The following TAF4 variants were observed in gnomAD, a reference collection of about 807,000 sequenced individuals.
TAF4 encodes the protein transcription initiation factor TFIID subunit 4.
A neutral mutation model predicts 90.3 loss-of-function variants in TAF4; 9 were observed. The ratio of observed to expected loss-of-function variants is 0.10; its 90% confidence interval spans 0.06 to 0.17. TAF4 has a LOEUF of 0.17. Among genes scored for constraint, TAF4 ranks in the 10% least tolerant of loss-of-function variants. The pLI, the probability that TAF4 is intolerant of heterozygous loss-of-function variation, is 1.00. For missense variants in TAF4, 1,351 were observed against 1,370.7 expected, an observed-to-expected ratio of 0.99 and a Z score of 0.23; for synonymous variants, 818 against 638.9, an observed-to-expected ratio of 1.28 and a Z score of -4.23.
intron 1 of TAF4, among the ~76,000 whole-genome samples, chr20:62,031,046 C>A (rs969666271): frequency 5.9e-5 from 9 of 152,240 alleles, no homozygotes; most frequent in African/African-American, 1.9e-4. Context: ...TTCTCCACGG[C>A]TTTAGGTGAA....
intron 14 of TAF4, among the ~76,000 whole-genome samples, chr20:61,978,511 G>C (rs1359334486): frequency 6.7e-6 from 1 of 148,692 alleles, no homozygotes; most frequent in South Asian, 2.1e-4. Flanking sequence ...CACCAACCAA[G>C]GGAGGGCGCG....
chr20:62,000,465 C>A, intron 10 of TAF4, 87 bp downstream of exon 10: 1 of 1,471,964 alleles, frequency 6.8e-7, no homozygotes, highest in South Asian at 1.3e-5. Context: ...AAACACATGA[C>A]CAGGTGTCAG....
At chr20:62,044,439 T>C (rs1354541275) in intron 1 of TAF4, among the ~76,000 whole-genome samples, 1 of 152,092 alleles carries the variant, frequency 6.6e-6, no homozygotes, top group Non-Finnish European at 1.5e-5. Flanking sequence ...AAAAGTAAAA[T>C]TGAAAACAAA....
intron 14 of TAF4, among the ~76,000 whole-genome samples, chr20:61,987,285 A>C (rs2055598627): frequency 6.6e-6 from 1 of 152,192 alleles, no homozygotes; most frequent in Non-Finnish European, 1.5e-5. Context: ...AAAGACCAGG[A>C]AAGACTGAGC....
In TAF4 at chr20:62,010,299, G is replaced by C. The variant is rs946593871; in HGVS notation, c.1642-134C>G. 132 of 1,342,706 alleles carry C rather than the reference G, an allele frequency of 9.8e-5. No individual in the cohort carries two copies. Among genetic ancestry groups the C allele is most frequent in the Non-Finnish European group, 1.3e-4 (128 of 982,954 alleles). 83.2% of individuals were successfully genotyped at this position (1,342,706 alleles called of 1,614,324 possible). ...GGACGCCCAGGAAGCCAAGGACCCC[G>C]GCCACCTGCCAGCCCGCTGGACACG... On this transcript the variant is annotated intron_variant, in intron 3 of 14. Transcript: ENST00000252996. This position sits in a 1 kb window ranked among gnomAD's most constrained non-coding sequence, Gnocchi z 4.5.
chr20:61,976,819 G>A (rs962661453), intron 14 of TAF4, among the ~76,000 whole-genome samples: 13 of 152,212 alleles, frequency 8.5e-5, no homozygotes, highest in African/African-American at 1.9e-4. Flanking sequence ...AGCTGGGAAG[G>A]CTGGGTTTCT....
chr20:61,979,123 C>T (rs2055517928), intron 14 of TAF4: 1 of 153,090 alleles, frequency 6.5e-6, no homozygotes, highest in African/African-American at 2.4e-5. Context: ...GTGGAGATCT[C>T]GTAGGAACCT....
Position 62,065,097 on chromosome 20 carries a change from G to A in TAF4, c.714C>T (p.Ile238=). 5 of 1,057,320 alleles carry A rather than the reference G, an allele frequency of 4.7e-6. No homozygotes were observed. Among genetic ancestry groups the A allele is most frequent in the Non-Finnish European group, 4.6e-6 (4 of 868,948 alleles). The allele number at this position is 1,057,320 out of a possible 1,614,324, so 65.5% of individuals were successfully genotyped here. A position where few individuals can be genotyped will look rare whatever the true frequency, so the allele number is the denominator to read the frequency against. The change falls in exon 1 of 15, where the codon ATC becomes ATT. Residue 238 remains isoleucine, a synonymous_variant. Coordinates refer to ENST00000252996, the MANE Select transcript of TAF4 (RefSeq NM_003185.4). ...LPKPAAPGTV[I]QTPPFVGAAA... Reference sequence around the variant, plus strand: ...CGGCGCCCACGAAGGGGGGCGTCTGGATGACAGTGCCGGGGGCGGCGGGCT... The same window carrying A: ...CGGCGCCCACGAAGGGGGGCGTCTGAATGACAGTGCCGGGGGCGGCGGGCT...
rs138692624 is a variant in TAF4 at position 62,006,726 on chromosome 20, G to A, written c.2007C>T (p.Pro669=). 228 of 1,554,528 alleles carry A rather than the reference G, an allele frequency of 1.5e-4. No individual in the cohort carries two copies. The African/African-American group carries it at 1.9e-3, about 13-fold the overall frequency. ...TCTGCTGGATGAAGGCCGCGGAGTC[G>A]GGGGTCAGCTGTCTCAAGGCGGGTA... The part of the protein sequence containing the change: ...RSLPALRQLT[P]DSAAFIQQSQ... The change falls in exon 7 of 15, where the codon CCC becomes CCT. Residue 669 remains proline, a synonymous_variant. Transcript: ENST00000252996. This position sits in a 1 kb window ranked among gnomAD's most constrained non-coding sequence, Gnocchi z 7.0.
intron 14 of TAF4, chr20:61,980,893 A>C: frequency 6.6e-6 from 1 of 152,490 alleles, no homozygotes; most frequent in East Asian, 1.9e-4. Flanking sequence ...CACTGCTGAA[A>C]GGCTAAGCCA....
chr20:62,027,047 T>C (rs1176132064), intron 1 of TAF4, among the ~76,000 whole-genome samples: 3 of 152,122 alleles, frequency 2.0e-5, no homozygotes, highest in Non-Finnish European at 4.4e-5. Context: ...TACGTGCAAA[T>C]CAACACAAAA....
chr20:61,999,066 G>C lies in TAF4; in HGVS notation c.2830C>G (p.Leu944Val). 1 of 1,614,154 alleles carries C rather than the reference G, an allele frequency of 6.2e-7. No homozygotes were observed. The highest frequency in any genetic ancestry group is 8.5e-7 in the Non-Finnish European group (1 of 1,180,038). ...YEQASDVRAQ[L>V]KFFEQLDQIE... ...TGATCAAGCTGTTCAAAAAACTTGA[G>C]CTGTGCCCGGACGTCACTCGCCTGC... The change falls in exon 12 of 15, where the codon CTC becomes GTC. Residue 944 changes from leucine to valine, a missense_variant. Physicochemically the swap from Leu to Val is conservative, Grantham distance 32. This residue lies in a region of TAF4 where 95 missense variants were observed against 151.3 expected (regional missense o/e 0.63). Coordinates refer to ENST00000252996, the MANE Select transcript of TAF4 (RefSeq NM_003185.4).
At chr20:62,060,515 G>A (rs748285331) in intron 1 of TAF4, among the ~76,000 whole-genome samples, 2 of 152,198 alleles carry the variant, frequency 1.3e-5, no homozygotes, top group Admixed American at 6.5e-5. Flanking sequence ...TGTTCATCCC[G>A]AAGGCGATGG....
chr20:62,022,768 A>G (rs1339491443), intron 1 of TAF4, among the ~76,000 whole-genome samples: 1 of 152,174 alleles, frequency 6.6e-6, no homozygotes, highest in Admixed American at 6.5e-5. Flanking sequence ...ACAGGGGAAC[A>G]TGTGCTGCCC....
At chr20:62,027,865 G>A (rs972146997) in intron 1 of TAF4, among the ~76,000 whole-genome samples, 16 of 152,356 alleles carry the variant, frequency 1.1e-4, no homozygotes, top group African/African-American at 2.9e-4. Context: ...AACAGTGACT[G>A]AGAAACAGCC....
intron 1 of TAF4, among the ~76,000 whole-genome samples, chr20:62,029,058 C>T (rs1401350499): frequency 1.3e-5 from 2 of 151,854 alleles, no homozygotes; most frequent in African/African-American, 2.4e-5. Flanking sequence ...TAGCCGGGCA[C>T]GGTGGTGGGC....
Position 62,064,909 on chromosome 20 carries a change from GCGGGGGGCGGCA to G in TAF4, c.890_901del (p.Val297_Pro300del). The G allele has an allele frequency of 1.5e-6, 1 of 682,130 alleles. No homozygotes were observed. The highest frequency in any genetic ancestry group is 1.8e-6 in the Non-Finnish European group (1 of 558,954). 42.3% of individuals were successfully genotyped at this position (682,130 alleles called of 1,614,324 possible). A position where few individuals can be genotyped will look rare whatever the true frequency, so the allele number is the denominator to read the frequency against. Reference sequence around the variant, plus strand: ...GGCGCTGCCCCCGTTCTGGGCGGCGGCGGGGGGCGGCACGGCGGGCGCGGCGGTCGGGGGTCC... The same window carrying G: ...GGCGCTGCCCCCGTTCTGGGCGGCGGCGGCGGGCGCGGCGGTCGGGGGTCC... On this transcript the variant is annotated inframe_deletion, in exon 1 of 15. Coordinates refer to ENST00000252996, the MANE Select transcript of TAF4 (RefSeq NM_003185.4).
chr20:62,052,166 C>G (rs1193615348), intron 1 of TAF4, among the ~76,000 whole-genome samples: 3 of 152,104 alleles, frequency 2.0e-5, no homozygotes, highest in Non-Finnish European at 4.4e-5. Context: ...GGGGTGCAGG[C>G]TAAATGACAG....
rs748736187 is a variant in TAF4 at position 62,065,117 on chromosome 20, C to T, written c.694G>A (p.Ala232Thr). ...GTCTGGATGACAGTGCCGGGGGCGGCGGGCTTGGGCAGCGGCAGCAGCGCG... is the reference window on the plus strand; with the variant it reads ...GTCTGGATGACAGTGCCGGGGGCGGTGGGCTTGGGCAGCGGCAGCAGCGCG... ...PAALLPLPKP[A>T]APGTVIQTPP... Residue 232 changes from alanine (A) to threonine (T), a missense_variant, in exon 1 of 15, where the codon GCC (alanine) becomes ACC (threonine). By Grantham distance (58) the Ala-to-Thr change is moderately conservative. Around this residue, in one of 9 missense-constraint regions of TAF4, gnomAD observed 782 missense variants for 536.6 expected, o/e 1.46. Coordinates refer to ENST00000252996, the MANE Select transcript of TAF4 (RefSeq NM_003185.4). The T allele has an allele frequency of 4.4e-6, 5 of 1,124,788 alleles. No individual in the cohort carries two copies. The highest frequency in any genetic ancestry group is 5.5e-6 in the Non-Finnish European group (5 of 903,676). 69.7% of individuals were successfully genotyped at this position (1,124,788 alleles called of 1,614,324 possible). A position where few individuals can be genotyped will look rare whatever the true frequency, so the allele number is the denominator to read the frequency against.
Sources: allele counts gnomAD v4.1 joint callset (sites outside exome capture counted in the v4.1 genomes callset), GRCh38; gene constraint gnomAD v4.1.1; regional missense constraint gnomAD v4.1.1; non-coding constraint Gnocchi (gnomAD v3.1); transcripts MANE v1.5; gene names NCBI Gene and HGNC (gene_info 2026-07-23, HGNC 2026-07-21).